Variants in LRGUK observed in about 807,000 individuals in gnomAD.
LRGUK encodes the protein leucine-rich repeat and guanylate kinase domain-containing protein.
LRGUK carries 65 observed loss-of-function variants against 76.0 expected under a neutral mutation model. The observed-to-expected ratio is 0.85, with a 90% CI of 0.70 to 1.05. LRGUK has a LOEUF of 1.05. Ranked by LOEUF, LRGUK falls within the 50% of genes least tolerant of loss-of-function variation. The pLI is 0.00. For synonymous variants in LRGUK, 268 were observed against 265.6 expected (o/e 1.01, Z -0.09); for missense variants, 758 against 732.8 (o/e 1.03, Z -0.40).
intron 12 of LRGUK, 91 bp downstream of exon 12, chr7:134,191,842 A>G: frequency 1.1e-6 from 1 of 937,150 alleles, no homozygotes; most frequent in Non-Finnish European, 1.6e-6. Context: ...AAAAAGGAAG[A>G]ATTAAATTTT....
At chr7:134,188,952 AG>A (rs1258115260) in intron 11 of LRGUK, among the ~76,000 whole-genome samples, 1 of 152,214 alleles carries the variant, frequency 6.6e-6, no homozygotes, top group Admixed American at 6.5e-5. Flanking sequence ...AGCTCTTCTT[AG>A]ATATCTTTTC....
intron 15 of LRGUK, among the ~76,000 whole-genome samples, chr7:134,220,718 A>G (rs1015356234): frequency 1.3e-5 from 2 of 151,866 alleles, no homozygotes; most frequent in African/African-American, 4.8e-5. Context: ...ACAGGCACAC[A>G]CCACCACATC....
intron 18 of LRGUK, among the ~76,000 whole-genome samples, chr7:134,250,107 A>C (rs1802408343): frequency 6.6e-6 from 1 of 152,162 alleles, no homozygotes; most frequent in Non-Finnish European, 1.5e-5. Context: ...GAGCATCCAA[A>C]CGCATGGCAA....
intron 16 of LRGUK, among the ~76,000 whole-genome samples, chr7:134,234,157 G>A (rs1341808170): frequency 3.3e-5 from 5 of 152,066 alleles, no homozygotes; most frequent in Non-Finnish European, 7.3e-5. Context: ...GTTCATAGGG[G>A]CACAGATCAG....
downstream of LRGUK, among the ~76,000 whole-genome samples, chr7:134,212,030 G>A (rs1801295317): frequency 6.6e-6 from 1 of 152,126 alleles, no homozygotes; most frequent in Non-Finnish European, 1.5e-5. Context: ...GACTCTATCA[G>A]TTTCTGCACA....
At position 134,138,335 on chromosome 7, in the gene LRGUK, G is replaced by A. The variant is rs75475926; in HGVS notation, c.406-1101G>A. ...CCTCCTTACATTTGAGATATTACAC[G>A]TTGAATTACTTTGACTTAATAACCT... On this transcript the variant is annotated intron_variant, in intron 2 of 15. Transcript: ENST00000645682. Among the ~76,000 whole-genome samples, 1,401 of 152,160 alleles carry A rather than the reference G, an allele frequency of 9.2e-3. 24 individuals carry two copies. The highest frequency in any genetic ancestry group is 0.032 in the African/African-American group (1,316 of 41,526).
chr7:134,161,776 C>T (rs1798743964), intron 6 of LRGUK, among the ~76,000 whole-genome samples: 1 of 150,542 alleles, frequency 6.6e-6, no homozygotes, highest in Middle Eastern at 3.2e-3. Context: ...CTACAAGCTC[C>T]GCCTCCCGGA....
intron 6 of LRGUK, among the ~76,000 whole-genome samples, chr7:134,159,246 A>G (rs1232744258): frequency 6.6e-6 from 1 of 151,050 alleles, no homozygotes; most frequent in Non-Finnish European, 1.5e-5. Flanking sequence ...CTGAAGTGGG[A>G]GAATCACTTG....
chr7:134,275,725 T>C, the LRGUK span, among the ~76,000 whole-genome samples: 1 of 152,182 alleles, frequency 6.6e-6, no homozygotes, highest in Non-Finnish European at 1.5e-5. Flanking sequence ...TGCTACCACA[T>C]TAACCAGGTT....
chr7:134,247,719 G>A, intron 17 of LRGUK, 75 bp downstream of exon 17: 1 of 1,179,796 alleles, frequency 8.5e-7, no homozygotes, highest in Non-Finnish European at 1.3e-6. Flanking sequence ...CCTAAATCGT[G>A]AACATAAACA....
intron 9 of LRGUK, 78 bp from the exon 10 acceptor site, chr7:134,178,425 T>C (rs894116435): frequency 2.8e-6 from 3 of 1,073,070 alleles, no homozygotes; most frequent in African/African-American, 3.2e-5. Flanking sequence ...CAACATTTCA[T>C]TAAGGAAAAA....
At chr7:134,236,863 C>T (rs1469539474) in intron 16 of LRGUK, among the ~76,000 whole-genome samples, 1 of 152,022 alleles carries the variant, frequency 6.6e-6, no homozygotes, top group Admixed American at 6.6e-5. Context: ...ATTTCTTACA[C>T]CTACTGTTAT....
At chr7:134,157,850 A>G (rs1213786960) in intron 5 of LRGUK, among the ~76,000 whole-genome samples, 185 bp from the exon 6 acceptor site, 1 of 152,214 alleles carries the variant, frequency 6.6e-6, no homozygotes, top group African/African-American at 2.4e-5. Flanking sequence ...TAAAAATTGT[A>G]TAAAATATGA....
intron 5 of LRGUK, among the ~76,000 whole-genome samples, chr7:134,149,579 A>G (rs1473529008): frequency 6.6e-6 from 1 of 152,216 alleles, no homozygotes; most frequent in South Asian, 2.1e-4. Flanking sequence ...GTGTGTGAAA[A>G]TGAGCAATTA....
At chr7:134,152,366 G>T (rs538798719) in intron 5 of LRGUK, among the ~76,000 whole-genome samples, 1 of 151,958 alleles carries the variant, frequency 6.6e-6, no homozygotes, top group African/African-American at 2.4e-5. Flanking sequence ...TAAGGGTGTT[G>T]AAGACCTAAC....
chr7:134,141,354 G>T (rs181444526), intron 3 of LRGUK, among the ~76,000 whole-genome samples: 2 of 152,250 alleles, frequency 1.3e-5, no homozygotes, highest in East Asian at 3.9e-4. Context: ...TTGGGGCGGG[G>T]CCTGGAAATT....
In LRGUK at chr7:134,199,777, A is replaced by G. The variant is rs1800671868; in HGVS notation, c.1747+356A>G. Among the ~76,000 whole-genome samples the G allele has an allele frequency of 2.0e-5, 3 of 151,616 alleles. No individual in the cohort carries two copies. In the South Asian group the frequency reaches 6.3e-4, roughly 32 times the overall value. ...CTCAGGTAATTTGATTATAATCTAC[A>G]CGTAGGTTAAAAACCCAACTACTCA... On this transcript the variant is annotated intron_variant, in intron 14 of 15. Coordinates refer to ENST00000645682, the Ensembl canonical transcript of LRGUK.
intron 10 of LRGUK, among the ~76,000 whole-genome samples, chr7:134,180,787 G>C (rs1423829551): frequency 6.6e-6 from 1 of 152,078 alleles, no homozygotes; most frequent in Non-Finnish European, 1.5e-5. Context: ...GGACAGTTGA[G>C]TGGCATCAAG....
chr7:134,230,253 G>A (rs1801859737), intron 16 of LRGUK, among the ~76,000 whole-genome samples: 1 of 152,118 alleles, frequency 6.6e-6, no homozygotes. Context: ...TTCTTATGAA[G>A]AGATACCCAG....
Sources: gnomAD v4.1 joint callset for allele counts (sites outside exome capture counted in the v4.1 genomes callset) on GRCh38, gnomAD v4.1.1 for gene constraint, MANE v1.5 for transcripts, NCBI Gene and HGNC (gene_info 2026-07-23, HGNC 2026-07-21) for gene names.